Variants in ABAT observed in about 807,000 individuals in gnomAD.
ABAT encodes 4-aminobutyrate aminotransferase, also known as 4-aminobutyrate aminotransferase, mitochondrial.
A neutral mutation model predicts 64.6 loss-of-function variants in ABAT; 45 were observed. That is an observed-to-expected ratio of 0.70 (90% CI 0.55 to 0.89). The LOEUF (loss-of-function observed/expected upper bound fraction) is 0.89. Ranked by LOEUF, ABAT falls within the 40% of genes least tolerant of loss-of-function variation. ABAT has a pLI of 0.00. For missense variants in ABAT, 633 were observed against 658.4 expected, an observed-to-expected ratio of 0.96 and a Z score of 0.42; for synonymous variants, 297 against 250.5, an observed-to-expected ratio of 1.19 and a Z score of -1.75.
intron 15 of ABAT, among the ~76,000 whole-genome samples, chr16:8,780,111 G>A (rs2060389219): frequency 1.3e-5 from 2 of 152,116 alleles, no homozygotes; most frequent in South Asian, 4.1e-4. Flanking sequence ...GCGGAGGGAA[G>A]GGTGCATGCG....
intron 1 of ABAT, among the ~76,000 whole-genome samples, chr16:8,735,295 AGGCTGGAGAGCAGT>A (rs2058886864): frequency 6.6e-6 from 1 of 151,670 alleles, no homozygotes; most frequent in Non-Finnish European, 1.5e-5. Flanking sequence ...TTTGTCACCC[AGGCTGGAGAGCAGT>A]GGCGCGATTA....
intron 1 of ABAT, among the ~76,000 whole-genome samples, chr16:8,696,397 C>T (rs552402783): frequency 6.6e-5 from 10 of 152,232 alleles, no homozygotes; most frequent in South Asian, 4.1e-4. Context: ...CTGAGGCAGA[C>T]GGATCACTTG....
intron 1 of ABAT, among the ~76,000 whole-genome samples, chr16:8,680,738 GATT>G (rs1340342638): frequency 1.3e-5 from 2 of 152,000 alleles, no homozygotes; most frequent in Non-Finnish European, 2.9e-5. Context: ...TCCATTTTTT[GATT>G]ATTATCATTG....
At chr16:8,732,965 C>G (rs1429771521) in intron 1 of ABAT, among the ~76,000 whole-genome samples, 8 of 148,824 alleles carry the variant, frequency 5.4e-5, no homozygotes, top group Non-Finnish European at 1.2e-4. Context: ...GGGCGGCTGG[C>G]CGGGCGGGGG....
At chr16:8,703,833 G>C (rs1354421542) in intron 1 of ABAT, among the ~76,000 whole-genome samples, 1 of 152,232 alleles carries the variant, frequency 6.6e-6, no homozygotes, top group Non-Finnish European at 1.5e-5. Context: ...TGTGGGCCAT[G>C]TGGTTTCTCT....
chr16:8,772,987 C>A, intron 12 of ABAT, 70 bp downstream of exon 12: 2 of 1,598,842 alleles, frequency 1.3e-6, no homozygotes, highest in Non-Finnish European at 1.7e-6. Context: ...AGTAACGGGC[C>A]AGCAGCACCT....
intron 6 of ABAT, among the ~76,000 whole-genome samples, chr16:8,761,457 T>C (rs995534144): frequency 6.6e-6 from 1 of 152,254 alleles, no homozygotes; most frequent in African/African-American, 2.4e-5. Flanking sequence ...TTTAGCCTTA[T>C]TACTTGACAT....
intron 1 of ABAT, among the ~76,000 whole-genome samples, chr16:8,718,113 CCTCAGTCTCATA>C (rs2058263978): frequency 6.6e-6 from 1 of 152,168 alleles, no homozygotes; most frequent in Non-Finnish European, 1.5e-5. Flanking sequence ...TCAGTCTCAT[CCTCAGTCTCATA>C]GCGCTGATGA....
chr16:8,779,391 G>A (rs1596474402), intron 14 of ABAT, 88 bp from the exon 15 acceptor site: 3 of 1,111,014 alleles, frequency 2.7e-6, no homozygotes, highest in East Asian at 4.8e-5. Flanking sequence ...GCTGGACCAT[G>A]GGAGGCCTTT....
At chr16:8,744,491 C>G (rs1337861110) in intron 2 of ABAT, among the ~76,000 whole-genome samples, 5 of 151,794 alleles carry the variant, frequency 3.3e-5, no homozygotes, top group African/African-American at 1.2e-4. Context: ...CCTCAGCCTC[C>G]CTAGTAGCTG....
intron 1 of ABAT, among the ~76,000 whole-genome samples, chr16:8,697,377 G>T (rs776003967): frequency 6.6e-5 from 10 of 152,240 alleles, no homozygotes; most frequent in East Asian, 1.9e-4. Context: ...TGGCTGCTCC[G>T]TGCAAAGTGG....
At chr16:8,772,947 G>A in intron 12 of ABAT, 30 bp downstream of exon 12, 1 of 1,612,532 alleles carries the variant, frequency 6.2e-7, no homozygotes, top group Non-Finnish European at 8.5e-7. Flanking sequence ...GTTGGATGGA[G>A]CCATTGGGTT....
At chr16:8,739,231 T>A (rs2059086492) in intron 2 of ABAT, among the ~76,000 whole-genome samples, 1 of 152,196 alleles carries the variant, frequency 6.6e-6, no homozygotes, top group African/African-American at 2.4e-5. Flanking sequence ...CTCCAGGACA[T>A]CTGAGCTTTC....
intron 2 of ABAT, among the ~76,000 whole-genome samples, chr16:8,741,474 G>A (rs1422165495): frequency 6.6e-6 from 1 of 152,238 alleles, no homozygotes; most frequent in African/African-American, 2.4e-5. Context: ...GTCTTCTTCT[G>A]TAATGTAAGA....
intron 1 of ABAT, among the ~76,000 whole-genome samples, chr16:8,689,141 C>G (rs2057524317): frequency 6.6e-6 from 1 of 151,208 alleles, no homozygotes; most frequent in African/African-American, 2.4e-5. Flanking sequence ...CTTCTGGAAG[C>G]TTTCATGTTT....
At chr16:8,744,556 C>T (rs747004363) in intron 2 of ABAT, among the ~76,000 whole-genome samples, 43 of 151,678 alleles carry the variant, frequency 2.8e-4, no homozygotes, top group Admixed American at 2.1e-3. Context: ...TTGATAGAGA[C>T]GGGATTTCGC....
intron 1 of ABAT, among the ~76,000 whole-genome samples, chr16:8,725,291 T>A (rs1478020825): frequency 6.6e-6 from 1 of 152,146 alleles, no homozygotes; most frequent in Non-Finnish European, 1.5e-5. Flanking sequence ...ACATCCACAA[T>A]GCTGTGCAGC....
chr16:8,749,087 C>T (rs1260646636), intron 4 of ABAT, among the ~76,000 whole-genome samples: 2 of 150,032 alleles, frequency 1.3e-5, no homozygotes, highest in African/African-American at 4.9e-5. Flanking sequence ...TTCTTTTGTT[C>T]CTCTTTTTTT....
intron 6 of ABAT, among the ~76,000 whole-genome samples, chr16:8,760,832 T>A (rs1361228204): frequency 6.6e-6 from 1 of 152,148 alleles, no homozygotes; most frequent in East Asian, 1.9e-4. Flanking sequence ...CTCAGCACTC[T>A]GGGAGGCTGA....
Sources: gnomAD v4.1 joint callset for allele counts (sites outside exome capture counted in the v4.1 genomes callset) on GRCh38, gnomAD v4.1.1 for gene constraint, MANE v1.5 for transcripts, NCBI Gene and HGNC (gene_info 2026-07-23, HGNC 2026-07-21) for gene names.